GALNTL6: variants seen among roughly 807,000 people sequenced by gnomAD.
The protein encoded by GALNTL6 is polypeptide N-acetylgalactosaminyltransferase-like 6.
GALNTL6 carries 46 observed loss-of-function variants against 73.7 expected under a neutral mutation model. The observed-to-expected ratio is 0.62, with a 90% CI of 0.49 to 0.80. The LOEUF is 0.80. Ranked by LOEUF, GALNTL6 falls within the 30% of genes least tolerant of loss-of-function variation. The pLI, the probability that GALNTL6 is intolerant of heterozygous loss-of-function variation, is 0.00. For synonymous variants in GALNTL6, 259 were observed against 263.7 expected, an observed-to-expected ratio of 0.98 and a Z score of 0.17; for missense variants, 604 against 755.0, an observed-to-expected ratio of 0.80 and a Z score of 2.34.
At chr4:172,678,624 C>T (rs1732442890) in intron 5 of GALNTL6, among the ~76,000 whole-genome samples, 1 of 152,160 alleles carries the variant, frequency 6.6e-6, no homozygotes, top group Admixed American at 6.6e-5. Flanking sequence ...TTTTATTTTA[C>T]CATCTTCTTT....
intron 8 of GALNTL6, among the ~76,000 whole-genome samples, chr4:172,908,087 G>T (rs1346183385): frequency 1.3e-5 from 2 of 152,194 alleles, no homozygotes; most frequent in East Asian, 3.8e-4. Context: ...GCATGGAAAT[G>T]CTGGGCAGAG....
intron 3 of GALNTL6, among the ~76,000 whole-genome samples, chr4:172,260,998 G>C (rs1217130303): frequency 6.6e-6 from 1 of 151,440 alleles, no homozygotes; most frequent in Non-Finnish European, 1.5e-5. Context: ...TATTGGATTT[G>C]GTTAGCTAAT....
At chr4:172,731,679 T>A (rs1718148591) in intron 5 of GALNTL6, among the ~76,000 whole-genome samples, 1 of 152,154 alleles carries the variant, frequency 6.6e-6, no homozygotes, top group Admixed American at 6.5e-5. Flanking sequence ...ATATAAGCAT[T>A]TATTGCTATA....
intron 5 of GALNTL6, among the ~76,000 whole-genome samples, chr4:172,439,238 A>G (rs1246538946): frequency 6.6e-6 from 1 of 150,512 alleles, no homozygotes; most frequent in Non-Finnish European, 1.5e-5. Context: ...GTTTTTCTCA[A>G]CTTACCCCAA....
At chr4:172,408,859 G>A (rs1210616762) in intron 5 of GALNTL6, among the ~76,000 whole-genome samples, 5 of 151,978 alleles carry the variant, frequency 3.3e-5, no homozygotes, top group African/African-American at 9.7e-5. Flanking sequence ...CTCTCATCCA[G>A]AAGTGTATTT....
At chr4:172,911,302 T>C (rs1364253768) in intron 8 of GALNTL6, among the ~76,000 whole-genome samples, 1 of 152,258 alleles carries the variant, frequency 6.6e-6, no homozygotes, top group Non-Finnish European at 1.5e-5. Flanking sequence ...TTCAGCCTTA[T>C]AAAATGTGCT....
chr4:172,324,148 G>C (rs1235602866), intron 4 of GALNTL6, among the ~76,000 whole-genome samples: 2 of 151,846 alleles, frequency 1.3e-5, no homozygotes, highest in Admixed American at 1.3e-4. Context: ...CATGATGTGT[G>C]TGTGTATGTA....
At chr4:172,270,529 C>T (rs1738605058) in intron 3 of GALNTL6, among the ~76,000 whole-genome samples, 1 of 152,174 alleles carries the variant, frequency 6.6e-6, no homozygotes, top group African/African-American at 2.4e-5. Flanking sequence ...CCATACAGTG[C>T]ATGCAGGCAT....
chr4:171,865,023 C>G (rs549889429), intron 2 of GALNTL6, among the ~76,000 whole-genome samples: 1 of 151,940 alleles, frequency 6.6e-6, no homozygotes, highest in South Asian at 2.1e-4. Flanking sequence ...GTGTGCACCT[C>G]TAATCCCAGC....
chr4:172,696,168 G>A (rs1351178649), intron 5 of GALNTL6, among the ~76,000 whole-genome samples: 4 of 152,098 alleles, frequency 2.6e-5, no homozygotes, highest in African/African-American at 4.8e-5. Flanking sequence ...GTGGCCTAAT[G>A]TGTCTCCAAT....
rs147502612 is a variant in GALNTL6 at position 171,863,211 on chromosome 4, G to A, written c.138+48493G>A. Among the ~76,000 whole-genome samples, 38 of 152,286 alleles carry A rather than the reference G, an allele frequency of 2.5e-4. No homozygotes were observed. In the East Asian group the frequency reaches 7.1e-3, roughly 29 times the overall value. On this transcript the variant is annotated intron_variant, in intron 2 of 12. Coordinates refer to ENST00000506823, the MANE Select transcript of GALNTL6 (RefSeq NM_001034845.3). The stretch of plus-strand genomic sequence containing the variant: ...GTACAAGGCCCTAGAATTAAAAATG[G>A]TGATAAATATGGAGGATTCTCTTTT...
intron 5 of GALNTL6, among the ~76,000 whole-genome samples, chr4:172,705,627 C>A (rs529180443): frequency 6.5e-4 from 99 of 151,600 alleles, no homozygotes; most frequent in Non-Finnish European, 1.2e-3. Flanking sequence ...TGTTGGTATC[C>A]TTTTTTGCCT....
intron 5 of GALNTL6, among the ~76,000 whole-genome samples, chr4:172,656,187 G>A (rs1339597152): frequency 1.3e-5 from 2 of 152,158 alleles, no homozygotes; most frequent in Non-Finnish European, 2.9e-5. Flanking sequence ...CTGAGCGAGG[G>A]TTGGGTCTGG....
chr4:172,924,361 A>C (rs1747939792), intron 8 of GALNTL6, among the ~76,000 whole-genome samples: 1 of 152,224 alleles, frequency 6.6e-6, no homozygotes, highest in Non-Finnish European at 1.5e-5. Flanking sequence ...AATTGAAAGA[A>C]GGCTCCATGT....
chr4:172,613,767 A>G (rs941717953), intron 5 of GALNTL6, among the ~76,000 whole-genome samples: 5 of 152,112 alleles, frequency 3.3e-5, no homozygotes, highest in African/African-American at 1.2e-4. Context: ...TATAAACTTC[A>G]TCTTGGCTCT....
chr4:172,636,158 A>G (rs957870878), intron 5 of GALNTL6, among the ~76,000 whole-genome samples: 1 of 152,202 alleles, frequency 6.6e-6, no homozygotes, highest in African/African-American at 2.4e-5. Context: ...CAAAAGTCAG[A>G]TTCACTATTA....
intron 5 of GALNTL6, among the ~76,000 whole-genome samples, chr4:172,595,454 T>G (rs1002311944): frequency 2.0e-5 from 3 of 152,202 alleles, no homozygotes; most frequent in Non-Finnish European, 4.4e-5. Context: ...TGAACCCATC[T>G]AGTGTTAAGA....
Position 172,056,702 on chromosome 4 carries a change from A to G in GALNTL6, c.139-172954A>G, listed in dbSNP as rs543002262. Among the ~76,000 whole-genome samples the G allele has an allele frequency of 2.9e-4, 44 of 152,040 alleles. 1 individual carries two copies. The South Asian group carries it at 9.1e-3, about 32-fold the overall frequency. ...TTTTTAATAATATAGTTATTTAATTATAAATAAAATAAGCATTTTGACATA... is the reference window on the plus strand; with the variant it reads ...TTTTTAATAATATAGTTATTTAATTGTAAATAAAATAAGCATTTTGACATA... On this transcript the variant is annotated intron_variant, in intron 2 of 12. Coordinates refer to ENST00000506823, the MANE Select transcript of GALNTL6 (RefSeq NM_001034845.3).
chr4:172,452,466 C>T (rs1732249830), intron 5 of GALNTL6, among the ~76,000 whole-genome samples: 2 of 152,080 alleles, frequency 1.3e-5, no homozygotes, highest in African/African-American at 4.8e-5. Flanking sequence ...GCTCTGTACT[C>T]TAAGATGTAA....
Sources: gnomAD v4.1 joint callset for allele counts (sites outside exome capture counted in the v4.1 genomes callset) on GRCh38, gnomAD v4.1.1 for gene constraint, MANE v1.5 for transcripts, NCBI Gene and HGNC (gene_info 2026-07-23, HGNC 2026-07-21) for gene names.